The following DYNC2I1 variants were observed in gnomAD, a reference collection of about 807,000 sequenced individuals.
DYNC2I1 encodes the protein dynein 2 intermediate chain 1, also known as cytoplasmic dynein 2 intermediate chain 1.
Under a neutral mutation model 133.4 loss-of-function variants are expected in DYNC2I1, and 89 were observed. That is an observed-to-expected ratio of 0.67 (90% CI 0.56 to 0.80). DYNC2I1 has a LOEUF of 0.80. DYNC2I1 is among the 30% of genes least tolerant of loss of function. DYNC2I1 has a pLI of 0.00. For synonymous variants in DYNC2I1, 504 were observed against 484.3 expected (o/e 1.04, Z -0.54); for missense variants, 1,291 against 1,314.5 (o/e 0.98, Z 0.28).
chr7:158,933,993 G>A (rs62476517), intron 21 of DYNC2I1, 136 bp from the exon 22 acceptor site: 16,234 of 626,444 alleles, frequency 0.026, 308 homozygotes, highest in Admixed American at 0.054. Flanking sequence ...TAGAAACAGA[G>A]TGGCTAAACC....
downstream of DYNC2I1, among the ~76,000 whole-genome samples, chr7:158,949,659 G>A (rs1017698928): frequency 2.6e-5 from 4 of 152,196 alleles, no homozygotes; most frequent in Non-Finnish European, 2.9e-5. Context: ...GCGGCTTCAG[G>A]GAAAGGAGCG....
Position 158,945,884 on chromosome 7 carries a change from T to C in DYNC2I1, c.*105T>C, listed in dbSNP as rs554375070. 255 of 1,026,930 alleles carry C rather than the reference T, an allele frequency of 2.5e-4. 4 individuals are homozygous for C. In the South Asian group the frequency reaches 5.7e-3, roughly 23 times the overall value. The allele number at this position is 1,026,930 out of a possible 1,614,324, so 63.6% of individuals were successfully genotyped here. ...CAAGTATATTTATGTATATAGACTA[T>C]GTATATTCTGTATATAATTTATTTT... is the stretch of plus-strand genomic sequence containing the variant. On this transcript the variant is annotated 3_prime_UTR_variant, in exon 25 of 25. Transcript: ENST00000407559. This position sits in a 1 kb window ranked among gnomAD's most constrained non-coding sequence, Gnocchi z 4.1.
In DYNC2I1 at chr7:158,856,654, C is replaced by T. The variant is rs544795698; in HGVS notation, c.-82C>T. On this transcript the variant is annotated 5_prime_UTR_variant, in exon 1 of 25. Coordinates refer to ENST00000407559, the MANE Select transcript of DYNC2I1 (RefSeq NM_018051.5). ...GCTGGGACGCGCCTCCCGAAGGGTG[C>T]GGGGCACAGGTGGCCTCTTCGGGGT... is the stretch of plus-strand genomic sequence containing the variant. The T allele has an allele frequency of 9.1e-6, 11 of 1,214,740 alleles. No homozygotes were observed. The highest frequency in any genetic ancestry group is 2.7e-4 in the Middle Eastern group (1 of 3,640). 75.2% of individuals were successfully genotyped at this position (1,214,740 alleles called of 1,614,324 possible). A position where few individuals can be genotyped will look rare whatever the true frequency, so the allele number is the denominator to read the frequency against.
chr7:158,949,174 G>C (rs1851977111), downstream of DYNC2I1, among the ~76,000 whole-genome samples: 1 of 152,176 alleles, frequency 6.6e-6, no homozygotes, highest in African/African-American at 2.4e-5. Flanking sequence ...CTCAACACCA[G>C]GAACACCCCG....
At chr7:158,938,575 G>T (rs1184076193) in intron 23 of DYNC2I1, among the ~76,000 whole-genome samples, 1 of 152,152 alleles carries the variant, frequency 6.6e-6, no homozygotes, top group African/African-American at 2.4e-5. Flanking sequence ...TGGCCAACAT[G>T]ATGAAATATG....
Position 158,871,435 on chromosome 7 carries a change from G to A in DYNC2I1, c.363G>A (p.Arg121=). 6.4e-7 allele frequency: 1 copy of A among 1,551,336 alleles called. No individual in the cohort carries two copies. The highest frequency in any genetic ancestry group is 8.7e-7 in the Non-Finnish European group (1 of 1,146,964). The change falls in exon 3 of 25, where the codon AGG becomes AGA. Residue 121 remains arginine (R), a synonymous_variant. Transcript: ENST00000407559. ...AGTCTCACAGCAGAGGAAAGGACAGGGAAAAAGAAAAAGACAGAAGGGCCC... is the reference window on the plus strand; with the variant it reads ...AGTCTCACAGCAGAGGAAAGGACAGAGAAAAAGAAAAAGACAGAAGGGCCC... ...AEKSHSRGKD[R]EKEKDRRARK...
intron 4 of DYNC2I1, among the ~76,000 whole-genome samples, chr7:158,952,389 T>C (rs2129490357): frequency 6.6e-6 from 1 of 152,288 alleles, no homozygotes; most frequent in Admixed American, 6.5e-5. Flanking sequence ...TATTTTTAGC[T>C]TTTCTTCTCC....
intron 7 of DYNC2I1, among the ~76,000 whole-genome samples, chr7:158,890,593 T>C (rs1283646723): frequency 1.3e-5 from 2 of 152,112 alleles, no homozygotes; most frequent in African/African-American, 4.8e-5. Context: ...TTTTGGGTAG[T>C]GACTTCTTTT....
At chr7:158,915,783 G>C (rs1393729027) in intron 14 of DYNC2I1, among the ~76,000 whole-genome samples, 1 of 145,030 alleles carries the variant, frequency 6.9e-6, no homozygotes, top group Non-Finnish European at 1.5e-5. Flanking sequence ...TGAGATTAAG[G>C]ATGATTGTGA....
intron 4 of DYNC2I1, chr7:158,956,474 AGCGCCGGGGCCT>A (rs1214761873): frequency 6.6e-6 from 1 of 152,518 alleles, no homozygotes; most frequent in African/African-American, 2.4e-5. Context: ...TGGCTCCGTA[AGCGCCGGGGCCT>A]GCACCGTAGG....
Position 158,867,733 on chromosome 7 carries a change from C to T in DYNC2I1, c.16-2122C>T, listed in dbSNP as rs79717604. Among the ~76,000 whole-genome samples, 929 of 152,172 alleles carry T rather than the reference C, an allele frequency of 6.1e-3. 61 individuals are homozygous for T. In the East Asian group the frequency reaches 0.13, roughly 21 times the overall value. ...GGCCCTTCTGACGTGTGGGCTGGTGCCGGCCTCTCCTGGGCCTCCCCGGGA... is the reference window on the plus strand; with the variant it reads ...GGCCCTTCTGACGTGTGGGCTGGTGTCGGCCTCTCCTGGGCCTCCCCGGGA... On this transcript the variant is annotated intron_variant, in intron 1 of 24. Transcript: ENST00000407559.
chr7:158,923,498 C>T, intron 16 of DYNC2I1, 73 bp from the exon 17 acceptor site: 3 of 1,606,196 alleles, frequency 1.9e-6, no homozygotes, highest in Non-Finnish European at 1.7e-6. Flanking sequence ...ACACCCCACT[C>T]AGTAAATGCA....
upstream of DYNC2I1, among the ~76,000 whole-genome samples, chr7:158,855,927 TA>T (rs1200578889): frequency 6.6e-6 from 1 of 150,816 alleles, no homozygotes; most frequent in Non-Finnish European, 1.5e-5. Flanking sequence ...TATTCAAATG[TA>T]AAGCTCTTTT....
intron 8 of DYNC2I1, among the ~76,000 whole-genome samples, chr7:158,895,923 G>A (rs758275422): frequency 5.3e-5 from 8 of 152,056 alleles, no homozygotes; most frequent in East Asian, 1.9e-4. Context: ...GATTATACTC[G>A]TTCCTTGCTG....
downstream of DYNC2I1, among the ~76,000 whole-genome samples, chr7:158,948,016 C>CCT (rs528197682): frequency 8.5e-4 from 130 of 152,334 alleles, 2 homozygotes; most frequent in Admixed American, 8.4e-3. Context: ...ACGATCTGCC[C>CCT]CTCAGCCTCA....
chr7:158,859,142 C>T (rs1295940211), intron 1 of DYNC2I1, among the ~76,000 whole-genome samples: 6 of 148,966 alleles, frequency 4.0e-5, no homozygotes, highest in Non-Finnish European at 7.4e-5. Context: ...ACTACAGGTG[C>T]GAGCTACCAT....
At chr7:158,931,942 T>C (rs973888823) in intron 21 of DYNC2I1, among the ~76,000 whole-genome samples, 2 of 152,184 alleles carry the variant, frequency 1.3e-5, no homozygotes. Context: ...AAGGAGTTCC[T>C]TGGGCTTACT....
At chr7:158,948,722 C>A (rs532134791), downstream of DYNC2I1, among the ~76,000 whole-genome samples, 37 of 152,274 alleles carry the variant, frequency 2.4e-4, no homozygotes, top group South Asian at 7.3e-3. Flanking sequence ...ACACCCCCCA[C>A]AATTATTTAC....
At position 158,922,444 on chromosome 7, in the gene DYNC2I1, A is replaced by T; in HGVS notation, c.1989A>T (p.Leu663Phe). Residue 663 changes from leucine (L) to phenylalanine (F), a missense_variant, in exon 16 of 25, where the codon TTA (leucine) becomes TTT (phenylalanine). Leu to Phe is a conservative substitution (Grantham distance 22). Coordinates refer to ENST00000407559, the MANE Select transcript of DYNC2I1 (RefSeq NM_018051.5). Reference protein sequence around the residue: ...QRQMVVSVHDLPEKSFVPLLD... With the variant: ...QRQMVVSVHDFPEKSFVPLLD... ...AGATGGTGGTCTCCGTTCACGACTT[A>T]CCCGAGAAGAGCTTTGTGCCCCTGC... 6.2e-7 allele frequency: 1 copy of T among 1,613,902 alleles called. No homozygotes were observed.
Sources: gnomAD v4.1 joint callset for allele counts (sites outside exome capture counted in the v4.1 genomes callset) on GRCh38, gnomAD v4.1.1 for gene constraint, Gnocchi (gnomAD v3.1) non-coding constraint, MANE v1.5 for transcripts, NCBI Gene and HGNC (gene_info 2026-07-23, HGNC 2026-07-21) for gene names.